Variants in SLC16A7 observed in about 807,000 individuals in gnomAD.
SLC16A7 encodes the protein monocarboxylate transporter 2.
SLC16A7 carries 33 observed loss-of-function variants against 34.9 expected under a neutral mutation model. The ratio of observed to expected loss-of-function variants is 0.94; its 90% confidence interval spans 0.72 to 1.26. The LOEUF is 1.26. Among genes scored for constraint, SLC16A7 ranks in the 50% most tolerant of loss-of-function variants. The pLI, the probability that SLC16A7 is intolerant of heterozygous loss-of-function variation, is 0.00. For missense variants in SLC16A7, 573 were observed against 578.1 expected, an observed-to-expected ratio of 0.99 and a Z score of 0.09; for synonymous variants, 201 against 206.6, an observed-to-expected ratio of 0.97 and a Z score of 0.23.
At chr12:59,731,283 G>T (rs1158707902) in intron 3 of SLC16A7, among the ~76,000 whole-genome samples, 1 of 152,116 alleles carries the variant, frequency 6.6e-6, no homozygotes, top group Non-Finnish European at 1.5e-5. Flanking sequence ...CATTTGTATG[G>T]CATTGTAAAG....
rs147974203 is a variant in SLC16A7 at position 59,716,544 on chromosome 12, C to T, written c.217+11526C>T. ...CCTGAGTTCATGTATATGACTTACACTGATACAGAAATACAAGAATCAGCT... is the reference window on the plus strand; with the variant it reads ...CCTGAGTTCATGTATATGACTTACATTGATACAGAAATACAAGAATCAGCT... On this transcript the variant is annotated intron_variant, in intron 3 of 5. Transcript: ENST00000547379. 1.4e-3 allele frequency among the ~76,000 whole-genome samples: 213 copies of T among 152,246 alleles called. 1 individual carries two copies. The highest frequency in any genetic ancestry group is 6.8e-3 in the Middle Eastern group (2 of 294).
At chr12:59,711,173 T>C (rs73111818) in intron 3 of SLC16A7, among the ~76,000 whole-genome samples, 17,136 of 152,202 alleles carry the variant, frequency 0.11, 1,172 homozygotes, top group Non-Finnish European at 0.14. Flanking sequence ...GCAGCCTGAG[T>C]GGAACTATGT....
intron 3 of SLC16A7, among the ~76,000 whole-genome samples, chr12:59,722,565 A>G (rs1264883849): frequency 6.6e-6 from 1 of 151,732 alleles, no homozygotes; most frequent in East Asian, 1.9e-4. Context: ...TAGCTATACT[A>G]TCTACCTACT....
chr12:59,602,542 G>A (rs1878736656), intron 1 of SLC16A7, among the ~76,000 whole-genome samples: 2 of 130,264 alleles, frequency 1.5e-5, no homozygotes, highest in African/African-American at 5.9e-5. Context: ...TGGGTGCAAT[G>A]ACATGAACTT....
chr12:59,699,704 A>G (rs1342423770), intron 2 of SLC16A7, among the ~76,000 whole-genome samples: 1 of 151,786 alleles, frequency 6.6e-6, no homozygotes, highest in East Asian at 1.9e-4. Flanking sequence ...CATATGGTCA[A>G]TCCTTATTAT....
Position 59,765,395 on chromosome 12 carries a change from G to T in SLC16A7, c.218-5824G>T, listed in dbSNP as rs558390728. Among the ~76,000 whole-genome samples, 4 of 152,348 alleles carry T rather than the reference G, an allele frequency of 2.6e-5. No individual in the cohort carries two copies. In the South Asian group the frequency reaches 6.2e-4, roughly 24 times the overall value. ...CCGTTGCTTTTGGTGTTTTACACATGAAGTCCTTGCCCATGCCTATGTCCT... is the reference window on the plus strand; with the variant it reads ...CCGTTGCTTTTGGTGTTTTACACATTAAGTCCTTGCCCATGCCTATGTCCT... On this transcript the variant is annotated intron_variant, in intron 3 of 5. Transcript: ENST00000547379.
chr12:59,615,205 C>T (rs1642357102), intron 1 of SLC16A7, among the ~76,000 whole-genome samples: 1 of 151,942 alleles, frequency 6.6e-6, no homozygotes, highest in Admixed American at 6.6e-5. Context: ...TCTTGGACTT[C>T]CCAGCCTCTA....
intron 3 of SLC16A7, among the ~76,000 whole-genome samples, chr12:59,715,401 C>T (rs1874778944): frequency 1.3e-5 from 2 of 152,132 alleles, no homozygotes; most frequent in South Asian, 4.1e-4. Flanking sequence ...CATACCTTTC[C>T]TCCATAAGTC....
rs1404979584 is a variant in SLC16A7, at chr12:59,789,429, TATTA to T, written c.*9755_*9758del. The T allele has an allele frequency of 2.0e-5, 3 of 152,188 alleles. No individual in the cohort carries two copies. The highest frequency in any genetic ancestry group is 7.2e-5 in the African/African-American group (3 of 41,460). 9.4% of individuals were successfully genotyped at this position (152,188 alleles called of 1,614,324 possible). ...TGCAACAGCTAAACTTTATGGTACA[TATTA>T]ATTAGTTTTATTTTCTTTTCAAAAT... On this transcript the variant is annotated 3_prime_UTR_variant, in exon 6 of 6. Coordinates refer to ENST00000547379, the MANE Select transcript of SLC16A7 (RefSeq NM_001270623.2).
chr12:59,645,672 T>G (rs2137011351), intron 1 of SLC16A7, among the ~76,000 whole-genome samples: 1 of 148,560 alleles, frequency 6.7e-6, no homozygotes, highest in Non-Finnish European at 1.5e-5. Flanking sequence ...CCACAGAGAG[T>G]GGGGTGCTGC....
intron 1 of SLC16A7, among the ~76,000 whole-genome samples, chr12:59,639,411 A>C (rs1202528320): frequency 6.6e-6 from 1 of 152,102 alleles, no homozygotes; most frequent in Non-Finnish European, 1.5e-5. Flanking sequence ...TTGAGACCAG[A>C]TCTCACTCGG....
chr12:59,669,830 A>G (rs1234721674), intron 2 of SLC16A7, among the ~76,000 whole-genome samples: 1 of 152,072 alleles, frequency 6.6e-6, no homozygotes, highest in African/African-American at 2.4e-5. Flanking sequence ...ACCTGTAAGA[A>G]CTTCTGTTAA....
chr12:59,714,955 A>G (rs1350242740), intron 3 of SLC16A7, among the ~76,000 whole-genome samples: 1 of 152,088 alleles, frequency 6.6e-6, no homozygotes, highest in African/African-American at 2.4e-5. Flanking sequence ...TTACCTCCTC[A>G]ATGGTCTTAA....
At chr12:59,750,094 C>A (rs370732605) in intron 3 of SLC16A7, among the ~76,000 whole-genome samples, 3 of 152,228 alleles carry the variant, frequency 2.0e-5, no homozygotes, top group Admixed American at 6.5e-5. Flanking sequence ...AAATATAAGA[C>A]TTTAAACCAT....
chr12:59,775,610 G>T, intron 5 of SLC16A7, 135 bp downstream of exon 5: 3 of 647,648 alleles, frequency 4.6e-6, no homozygotes, highest in Non-Finnish European at 5.0e-6. Context: ...GTTAATTTTA[G>T]GTTTTATTAT....
At chr12:59,699,941 G>A (rs1364076330) in intron 2 of SLC16A7, among the ~76,000 whole-genome samples, 1 of 151,556 alleles carries the variant, frequency 6.6e-6, no homozygotes, top group Non-Finnish European at 1.5e-5. Context: ...TTCACATTTT[G>A]TGCTTTTTGC....
chr12:59,713,981 G>A (rs942446852), intron 3 of SLC16A7, among the ~76,000 whole-genome samples: 3 of 152,230 alleles, frequency 2.0e-5, no homozygotes, highest in East Asian at 1.9e-4. Flanking sequence ...TATGATAAAT[G>A]TTAGTAAAGA....
At chr12:59,651,448 T>C (rs951804263) in intron 1 of SLC16A7, among the ~76,000 whole-genome samples, 1 of 152,190 alleles carries the variant, frequency 6.6e-6, no homozygotes, top group African/African-American at 2.4e-5. Flanking sequence ...TACCATAGAA[T>C]TTCTTATGTC....
intron 1 of SLC16A7, among the ~76,000 whole-genome samples, chr12:59,597,345 T>C (rs1483750912): frequency 6.6e-6 from 1 of 151,910 alleles, no homozygotes; most frequent in East Asian, 1.9e-4. Context: ...TTATTTCGTG[T>C]CCTCCTTCCC....
Sources: allele counts gnomAD v4.1 joint callset (sites outside exome capture counted in the v4.1 genomes callset), GRCh38; gene constraint gnomAD v4.1.1; transcripts MANE v1.5; gene names NCBI Gene and HGNC (gene_info 2026-07-23, HGNC 2026-07-21).